GRIK2: variants seen among roughly 807,000 people sequenced by gnomAD.
The protein encoded by GRIK2 is glutamate ionotropic receptor kainate type subunit 2.
In GRIK2, 32 loss-of-function variants were observed where a neutral mutation model predicts 100.3. The observed-to-expected ratio is 0.32, with a 90% confidence interval of 0.24 to 0.43. The LOEUF (loss-of-function observed/expected upper bound fraction) is 0.43, where lower values mean the gene tolerates loss of function less well. Ranked by LOEUF, GRIK2 falls within the 20% of genes least tolerant of loss-of-function variation. GRIK2 has a pLI of 1.00. For synonymous variants in GRIK2, 417 were observed against 389.4 expected (o/e 1.07, Z -0.83); for missense variants, 843 against 1,114.9 (o/e 0.76, Z 3.47).
intron 14 of GRIK2, among the ~76,000 whole-genome samples, chr6:101,942,566 T>C (rs1157487672): frequency 6.6e-6 from 1 of 152,186 alleles, no homozygotes; most frequent in African/African-American, 2.4e-5. Flanking sequence ...GATGAACTTA[T>C]TGGGAACTGG....
chr6:101,745,824 T>C (rs566907938), intron 7 of GRIK2, among the ~76,000 whole-genome samples: 1 of 152,318 alleles, frequency 6.6e-6, no homozygotes, highest in South Asian at 2.1e-4. Context: ...CATTTTAATA[T>C]TTTGTGATTG....
chr6:101,642,602 C>T (rs923945964), intron 4 of GRIK2, among the ~76,000 whole-genome samples: 8 of 151,628 alleles, frequency 5.3e-5, no homozygotes, highest in Non-Finnish European at 8.9e-5. Context: ...CAATTATATT[C>T]CATTGTATGT....
chr6:101,734,492 TACTC>T (rs1476941925), intron 7 of GRIK2, among the ~76,000 whole-genome samples: 5 of 152,180 alleles, frequency 3.3e-5, no homozygotes, highest in East Asian at 1.9e-4. Context: ...GGAGGACAAT[TACTC>T]AGTCCACTAA....
intron 4 of GRIK2, among the ~76,000 whole-genome samples, chr6:101,670,032 A>G (rs1345294549): frequency 6.6e-6 from 1 of 152,146 alleles, no homozygotes; most frequent in Non-Finnish European, 1.5e-5. Context: ...ATGATTCTGC[A>G]TTCTGTATTT....
chr6:101,933,067 T>C lies in GRIK2; in HGVS notation c.2085+4435T>C, dbSNP rs9498755. 2.7e-3 allele frequency among the ~76,000 whole-genome samples: 417 copies of C among 152,100 alleles called. 2 individuals carry two copies. The highest frequency in any genetic ancestry group is 9.7e-3 in the African/African-American group (402 of 41,570). ...TTGCTACTTTGGGCTAGAGGATCTT[T>C]ATCCAAATGAGAAAATCTACAAGGT... On this transcript the variant is annotated intron_variant, in intron 14 of 16. Transcript: ENST00000369134.
At chr6:101,658,146 G>T (rs1001748752) in intron 4 of GRIK2, among the ~76,000 whole-genome samples, 9 of 152,168 alleles carry the variant, frequency 5.9e-5, no homozygotes, top group African/African-American at 2.2e-4. Flanking sequence ...ATGGTGGTTT[G>T]CTGCATCCAT....
rs767667188 is a variant in GRIK2, at chr6:101,686,324, G to A, written c.922G>A (p.Asp308Asn). ...ACGATTGCAGGCACCTCCGAAACCCGATTCAGGTTTGCTGGATGGATTTAT... is the reference window on the plus strand; with the variant it reads ...ACGATTGCAGGCACCTCCGAAACCCAATTCAGGTTTGCTGGATGGATTTAT... ...MERLQAPPKPDSGLLDGFMTT... is the reference protein window; with the variant it reads ...MERLQAPPKPNSGLLDGFMTT... Residue 308 changes from aspartate to asparagine, a missense_variant, in exon 7 of 17, where the codon GAT becomes AAT. Around this residue, in one of 3 missense-constraint regions of GRIK2, gnomAD observed 519 missense variants for 643.8 expected, o/e 0.81. Transcript: ENST00000369134. 8.9e-5 allele frequency: 143 copies of A among 1,613,434 alleles called. No individual in the cohort carries two copies. In the Admixed American group the frequency reaches 1.2e-3, roughly 13 times the overall value.
chr6:101,729,900 A>G (rs1775141690), intron 7 of GRIK2, among the ~76,000 whole-genome samples: 1 of 151,982 alleles, frequency 6.6e-6, no homozygotes, highest in Non-Finnish European at 1.5e-5. Context: ...AACCACAGGC[A>G]TTATCTATAT....
intron 2 of GRIK2, among the ~76,000 whole-genome samples, chr6:101,532,557 T>A (rs1490750859): frequency 6.6e-6 from 1 of 150,846 alleles, no homozygotes; most frequent in Admixed American, 6.6e-5. Flanking sequence ...TTTTAAAGTT[T>A]TATTTGTGTC....
At chr6:101,808,218 A>G (rs1781122994) in intron 9 of GRIK2, among the ~76,000 whole-genome samples, 1 of 152,044 alleles carries the variant, frequency 6.6e-6, no homozygotes, top group Non-Finnish European at 1.5e-5. Flanking sequence ...TTTACAGCAA[A>G]AAGAGTTGGA....
At chr6:101,834,812 A>G (rs1782957053) in intron 10 of GRIK2, among the ~76,000 whole-genome samples, 1 of 152,076 alleles carries the variant, frequency 6.6e-6, no homozygotes, top group African/African-American at 2.4e-5. Context: ...CAGCCAGGGC[A>G]ACATAGGAAG....
intron 7 of GRIK2, among the ~76,000 whole-genome samples, chr6:101,756,081 T>G (rs1777117579): frequency 6.6e-6 from 1 of 152,176 alleles, no homozygotes; most frequent in Admixed American, 6.5e-5. Flanking sequence ...TTGTGTTGTT[T>G]AATAACATCT....
At chr6:101,832,375 T>G (rs1240761780) in intron 10 of GRIK2, among the ~76,000 whole-genome samples, 1 of 152,142 alleles carries the variant, frequency 6.6e-6, no homozygotes, top group African/African-American at 2.4e-5. Context: ...TAATAAATAA[T>G]TTTATGAAAT....
At chr6:101,889,515 G>A (rs891830312) in intron 11 of GRIK2, 125 bp from the exon 12 acceptor site, 12 of 587,656 alleles carry the variant, frequency 2.0e-5, no homozygotes, top group Admixed American at 1.6e-4. Context: ...CGTTACTGAG[G>A]CAATTAAGTG....
In GRIK2 at chr6:101,405,280, C is replaced by T. The variant is rs372778416; in HGVS notation, c.115+5888C>T. On this transcript the variant is annotated intron_variant, in intron 2 of 16. Transcript: ENST00000369134. ...AAATAAGCTTTCTTCAAACCTTTATCATATACTGTGAACCTAGGTTTAGGA... is the reference window on the plus strand; with the variant it reads ...AAATAAGCTTTCTTCAAACCTTTATTATATACTGTGAACCTAGGTTTAGGA... Among the ~76,000 whole-genome samples the T allele has an allele frequency of 4.0e-5, 6 of 151,848 alleles. No individual in the cohort carries two copies. The East Asian group carries it at 5.8e-4, about 15-fold the overall frequency.
At chr6:102,042,404 A>AAAC (rs1770637604) in intron 15 of GRIK2, among the ~76,000 whole-genome samples, 1 of 151,718 alleles carries the variant, frequency 6.6e-6, no homozygotes, top group South Asian at 2.1e-4. Context: ...AGATAAGGAA[A>AAAC]AACAAATTTG....
At chr6:101,664,403 C>T (rs534220680) in intron 4 of GRIK2, among the ~76,000 whole-genome samples, 8 of 152,250 alleles carry the variant, frequency 5.3e-5, no homozygotes, top group South Asian at 2.1e-4. Context: ...ATTTCTCTCA[C>T]GATTGAGATG....
Position 101,659,727 on chromosome 6 carries a change from T to G in GRIK2, c.542-16896T>G, listed in dbSNP as rs924411546. ...AAGGATTTTATTTCTCTTTTGCTTA[T>G]GAAGCTTAGTTTGGCTGGATATGAA... On this transcript the variant is annotated intron_variant, in intron 4 of 16. Coordinates refer to ENST00000369134, the MANE Select transcript of GRIK2 (RefSeq NM_021956.5). 5.9e-5 allele frequency among the ~76,000 whole-genome samples: 9 copies of G among 152,304 alleles called. No individual in the cohort carries two copies. In the South Asian group the frequency reaches 1.9e-3, roughly 32 times the overall value.
intron 7 of GRIK2, among the ~76,000 whole-genome samples, chr6:101,720,217 A>G (rs1774382350): frequency 6.6e-6 from 1 of 151,994 alleles, no homozygotes; most frequent in South Asian, 2.1e-4. Context: ...AGACAGACCC[A>G]GCCCACACTG....
Sources: gnomAD v4.1 joint callset for allele counts (sites outside exome capture counted in the v4.1 genomes callset) on GRCh38, gnomAD v4.1.1 for gene constraint, gnomAD v4.1.1 regional missense constraint, MANE v1.5 for transcripts, NCBI Gene and HGNC (gene_info 2026-07-23, HGNC 2026-07-21) for gene names.